Variants in LIPC observed in about 807,000 individuals in gnomAD.
LIPC encodes lipase C, hepatic type, also known as hepatic triacylglycerol lipase.
In LIPC, 44 loss-of-function variants were observed where a neutral mutation model predicts 50.7. The observed-to-expected ratio is 0.87, with a 90% CI of 0.68 to 1.11. The LOEUF is 1.11. Ranked by LOEUF, LIPC falls within the 50% of genes most tolerant of loss-of-function variation. The probability of loss-of-function intolerance (pLI) is 0.00; values close to 1 mark genes in which losing one functional copy is unlikely to be tolerated. For synonymous variants in LIPC, 271 were observed against 256.4 expected (o/e 1.06, Z -0.54); for missense variants, 697 against 648.2 (o/e 1.08, Z -0.82).
At chr15:58,484,672 G>T (rs1247414506) in intron 1 of LIPC, among the ~76,000 whole-genome samples, 3 of 152,198 alleles carry the variant, frequency 2.0e-5, no homozygotes, top group African/African-American at 7.2e-5. Flanking sequence ...TGGGGCATGG[G>T]CCCTGGAGCC....
intron 1 of LIPC, among the ~76,000 whole-genome samples, chr15:58,490,741 T>C (rs796656986): frequency 1.1e-4 from 17 of 152,316 alleles, no homozygotes; most frequent in African/African-American, 4.1e-4. Flanking sequence ...GTGGAGCGCC[T>C]GATTTGTCTC....
chr15:58,483,608 C>A (rs1206047777), intron 1 of LIPC, among the ~76,000 whole-genome samples: 1 of 152,096 alleles, frequency 6.6e-6, no homozygotes, highest in Non-Finnish European at 1.5e-5. Context: ...CCAAAATAAA[C>A]CACAGATACA....
intron 1 of LIPC, among the ~76,000 whole-genome samples, chr15:58,517,633 A>T (rs773646736): frequency 2.5e-4 from 38 of 152,182 alleles, no homozygotes; most frequent in Non-Finnish European, 5.0e-4. Flanking sequence ...TTCCCACACA[A>T]ATGTGAGAAG....
chr15:58,548,217 C>A, intron 5 of LIPC, 113 bp from the exon 6 acceptor site: 1 of 1,409,384 alleles, frequency 7.1e-7, no homozygotes, highest in Non-Finnish European at 1.0e-6. Flanking sequence ...CCCACCCTTG[C>A]CTGTTCTGTG....
intron 1 of LIPC, among the ~76,000 whole-genome samples, chr15:58,475,477 G>A (rs770494976): frequency 4.6e-5 from 7 of 152,050 alleles, no homozygotes; most frequent in African/African-American, 7.3e-5. Context: ...ACACACTCCC[G>A]TTCTTTCAAC....
intron 1 of LIPC, among the ~76,000 whole-genome samples, chr15:58,514,356 T>C (rs547818923): frequency 2.6e-5 from 4 of 152,340 alleles, no homozygotes; most frequent in East Asian, 1.9e-4. Flanking sequence ...GTACCAGTAG[T>C]AGTAGAAGTA....
intron 1 of LIPC, chr15:58,436,440 C>G (rs747844503): frequency 4.1e-6 from 1 of 241,986 alleles, no homozygotes; most frequent in Non-Finnish European, 8.3e-6. Context: ...TGGACTCATA[C>G]GAAAAATATT....
intron 1 of LIPC, among the ~76,000 whole-genome samples, chr15:58,514,559 C>A (rs1395613654): frequency 6.6e-6 from 1 of 152,154 alleles, no homozygotes; most frequent in Non-Finnish European, 1.5e-5. Context: ...TGCAGTGGCT[C>A]ACGTCTGGAA....
intron 1 of LIPC, among the ~76,000 whole-genome samples, chr15:58,524,504 C>A (rs565046544): frequency 9.2e-4 from 140 of 152,360 alleles, no homozygotes; most frequent in Non-Finnish European, 1.6e-3. Flanking sequence ...ACTTTCATAG[C>A]TGTTGCCAAA....
At chr15:58,559,715 A>AAAAC (rs1555407251) in intron 6 of LIPC, among the ~76,000 whole-genome samples, 38 of 145,086 alleles carry the variant, frequency 2.6e-4, no homozygotes, top group African/African-American at 3.6e-4. Flanking sequence ...AAAAAAAAAA[A>AAAAC]AAAAAAAAAA....
In LIPC at chr15:58,450,730, G is replaced by A. The variant is rs1215198536; in HGVS notation, c.88+18610G>A. Among the ~76,000 whole-genome samples the A allele has an allele frequency of 7.2e-5, 11 of 152,126 alleles. No individual in the cohort carries two copies. In the East Asian group the frequency reaches 7.7e-4, roughly 11 times the overall value. On this transcript the variant is annotated intron_variant, in intron 1 of 8. Transcript: ENST00000299022. ...CTGAGTAGGTCACAGTCTTGCCACC[G>A]GGATGCTTTGCTAACTTTATTGAGT...
At chr15:58,547,266 A>G (rs1296764892) in intron 5 of LIPC, among the ~76,000 whole-genome samples, 1 of 152,180 alleles carries the variant, frequency 6.6e-6, no homozygotes, top group African/African-American at 2.4e-5. Context: ...TCACTGGATA[A>G]CTGCAGATTC....
chr15:58,433,720 AT>A (rs1253408130), intron 1 of LIPC, among the ~76,000 whole-genome samples: 1 of 152,074 alleles, frequency 6.6e-6, no homozygotes, highest in Non-Finnish European at 1.5e-5. Flanking sequence ...TATTGTCCAG[AT>A]TTTCCTTGAG....
At chr15:58,566,589 T>A in intron 8 of LIPC, 1 of 421,784 alleles carries the variant, frequency 2.4e-6, no homozygotes, top group Non-Finnish European at 3.2e-6. Context: ...AGAAGTAGGT[T>A]AAGTAACTTG....
intron 1 of LIPC, among the ~76,000 whole-genome samples, chr15:58,460,915 G>A (rs1346973274): frequency 6.6e-6 from 1 of 152,194 alleles, no homozygotes; most frequent in Non-Finnish European, 1.5e-5. Context: ...GTGCTTCTCT[G>A]AGAGAAAGTA....
At chr15:58,525,987 G>A (rs780657309) in intron 1 of LIPC, among the ~76,000 whole-genome samples, 1 of 152,168 alleles carries the variant, frequency 6.6e-6, no homozygotes, top group Non-Finnish European at 1.5e-5. Flanking sequence ...AACCCCATGA[G>A]GAAACCATCT....
intron 1 of LIPC, among the ~76,000 whole-genome samples, chr15:58,512,330 G>A (rs375340544): frequency 6.6e-5 from 10 of 152,070 alleles, no homozygotes; most frequent in African/African-American, 1.2e-4. Context: ...AACTCCTGAC[G>A]TCAGGTCATC....
At chr15:58,438,590 A>T (rs1893393491) in intron 1 of LIPC, among the ~76,000 whole-genome samples, 1 of 152,196 alleles carries the variant, frequency 6.6e-6, no homozygotes. Flanking sequence ...CGGGTGGAGG[A>T]GCCGCGGTAA....
intron 6 of LIPC, among the ~76,000 whole-genome samples, 176 bp downstream of exon 6, chr15:58,548,748 G>A (rs1277376418): frequency 1.3e-5 from 2 of 152,212 alleles, no homozygotes; most frequent in African/African-American, 4.8e-5. Flanking sequence ...TGTCCCAAGA[G>A]TGTGGCCACC....
Sources: allele counts gnomAD v4.1 joint callset (sites outside exome capture counted in the v4.1 genomes callset), GRCh38; gene constraint gnomAD v4.1.1; transcripts MANE v1.5; gene names NCBI Gene and HGNC (gene_info 2026-07-23, HGNC 2026-07-21).